The following TTC7A variants were observed in gnomAD, a reference collection of about 807,000 sequenced individuals.
TTC7A encodes tetratricopeptide repeat domain 7A.
A neutral mutation model predicts 103.7 loss-of-function variants in TTC7A; 110 were observed. That is an observed-to-expected ratio of 1.06 (90% CI 0.91 to 1.24). The LOEUF (loss-of-function observed/expected upper bound fraction) is 1.24. TTC7A is among the 50% of genes most tolerant of loss of function. TTC7A has a pLI of 0.00. For missense variants in TTC7A, 1,340 were observed against 1,116.3 expected (o/e 1.20, Z -2.86); for synonymous variants, 521 against 467.9 (o/e 1.11, Z -1.47).
At chr2:46,926,927 A>G (rs1332139020) in intron 2 of TTC7A, among the ~76,000 whole-genome samples, 10 of 152,234 alleles carry the variant, frequency 6.6e-5, no homozygotes, top group Admixed American at 6.5e-4. Flanking sequence ...GTAACAAAAC[A>G]TTAGAAAAAA....
At chr2:46,917,863 A>T (rs6729604) in intron 2 of TTC7A, among the ~76,000 whole-genome samples, 19,104 of 151,746 alleles carry the variant, frequency 0.13, 1,741 homozygotes, top group African/African-American at 0.26. Context: ...GACACCACAC[A>T]CTCTGGGTCC....
At chr2:46,981,566 G>A (rs551308553) in intron 5 of TTC7A, among the ~76,000 whole-genome samples, 1 of 152,344 alleles carries the variant, frequency 6.6e-6, no homozygotes, top group Admixed American at 6.5e-5. Context: ...ATAAGTTTGG[G>A]AAACAATGGA....
chr2:47,049,874 T>A, intron 16 of TTC7A, 75 bp from the exon 17 acceptor site: 2 of 1,102,618 alleles, frequency 1.8e-6, no homozygotes, highest in Admixed American at 3.7e-5. Flanking sequence ...CTTGTGATGC[T>A]GGCCCTCTAC....
intron 11 of TTC7A, among the ~76,000 whole-genome samples, chr2:47,013,659 A>G (rs1407966831): frequency 6.6e-6 from 1 of 152,246 alleles, no homozygotes; most frequent in African/African-American, 2.4e-5. Context: ...CCTCAGCAGC[A>G]TAATTACAGT....
In TTC7A at chr2:47,029,230, A is replaced by T; in HGVS notation, c.1648A>T (p.Ser550Cys). 1 of 1,613,706 alleles carries T rather than the reference A, an allele frequency of 6.2e-7. No homozygotes were observed. The change falls in exon 15 of 20, where the codon AGT (serine) becomes TGT (cysteine). Residue 550 changes from serine to cysteine, a missense_variant. Physicochemically the swap from Ser to Cys is moderately radical, Grantham distance 112. Coordinates refer to ENST00000319190, the MANE Select transcript of TTC7A (RefSeq NM_020458.4). ...TGGCGGGTTCCTTCAACAGATCTCC[A>T]GTGCCATGGAGCAGCTGCAGGAGGC... is the stretch of plus-strand genomic sequence containing the variant. ...LQLALVRQIS[S>C]AMEQLQEALK...
At chr2:47,060,398 AAAAG>A (rs1325415388) in intron 18 of TTC7A, among the ~76,000 whole-genome samples, 1 of 151,998 alleles carries the variant, frequency 6.6e-6, no homozygotes, top group Non-Finnish European at 1.5e-5. Flanking sequence ...TTTTTTAAAA[AAAAG>A]GCTGCAGTGA....
intron 2 of TTC7A, among the ~76,000 whole-genome samples, chr2:46,919,449 C>T (rs2103796075): frequency 6.6e-6 from 1 of 152,336 alleles, no homozygotes; most frequent in East Asian, 1.9e-4. Context: ...AGGAGAATTG[C>T]TTGAACCCGG....
chr2:46,963,101 C>T (rs745788684), intron 3 of TTC7A, among the ~76,000 whole-genome samples: 13 of 152,206 alleles, frequency 8.5e-5, no homozygotes, highest in Non-Finnish European at 1.5e-4. Flanking sequence ...GCAGTGAGAG[C>T]TGCAGCAGGG....
chr2:46,978,232 GTCC>G (rs1218548142), intron 4 of TTC7A: 1 of 153,384 alleles, frequency 6.5e-6, no homozygotes, highest in East Asian at 1.9e-4. Flanking sequence ...AGACAGAGAA[GTCC>G]TCCTGCAGTA....
At chr2:46,993,709 T>C (rs1450924904) in intron 6 of TTC7A, among the ~76,000 whole-genome samples, 181 bp downstream of exon 6, 2 of 152,058 alleles carry the variant, frequency 1.3e-5, no homozygotes, top group African/African-American at 2.4e-5. Context: ...GCGGCCTCTT[T>C]CCCCCCGCGG....
At chr2:46,933,751 G>A (rs1489404559) in intron 2 of TTC7A, among the ~76,000 whole-genome samples, 2 of 152,194 alleles carry the variant, frequency 1.3e-5, no homozygotes, top group Non-Finnish European at 2.9e-5. Context: ...TGATCTGAGT[G>A]GCTGAAATGA....
At chr2:47,073,606 G>GGCT (rs1376702117) in intron 19 of TTC7A, 96 bp from the exon 20 acceptor site, 1 of 1,033,756 alleles carries the variant, frequency 9.7e-7, no homozygotes, top group African/African-American at 1.6e-5. Context: ...TCGAGCTGAT[G>GGCT]GCTGCTGCCA....
rs767785409 is a variant in TTC7A at position 46,974,959 on chromosome 2, T to G, written c.518-14T>G. 1.9e-6 allele frequency: 3 copies of G among 1,612,014 alleles called. No homozygotes were observed. The Admixed American group carries it at 5.0e-5, about 27-fold the overall frequency. ...CGAGCAGGACAGGTCTGAGGCACCC[T>G]CTTCCTCCCGCAGGCCTCTCTCTGG... On this transcript the variant is annotated splice_polypyrimidine_tract_variant and intron_variant, in intron 3 of 19. Coordinates refer to ENST00000319190, the MANE Select transcript of TTC7A (RefSeq NM_020458.4).
chr2:47,075,023 A>T lies in TTC7A; in HGVS notation c.*1100A>T, dbSNP rs891220205. On this transcript the variant is annotated 3_prime_UTR_variant, in exon 20 of 20. Coordinates refer to ENST00000319190, the MANE Select transcript of TTC7A (RefSeq NM_020458.4). Reference sequence around the variant, plus strand: ...TATCTGCACTTTGGGTTTTAGTTTCAAAGCTCCATCAGGTACAGCTTGCAT... The same window carrying T: ...TATCTGCACTTTGGGTTTTAGTTTCTAAGCTCCATCAGGTACAGCTTGCAT... 7.2e-5 allele frequency: 11 copies of T among 152,230 alleles called. No homozygotes were observed. The highest frequency in any genetic ancestry group is 2.7e-4 in the African/African-American group (11 of 41,460). The allele number at this position is 152,230 out of a possible 1,614,324, so 9.4% of individuals were successfully genotyped here.
In TTC7A at chr2:46,941,235, T is replaced by TGCAGCGGCG. The variant is rs1006531705; in HGVS notation, c.-304_-296dup. ...CCGGGGCGGAGGCTGTGGCAGCAGC[T>TGCAGCGGCG]GCAGCGGCGGCGGCGGCGGCAGCGC... On this transcript the variant is annotated 5_prime_UTR_variant, in exon 1 of 20. Transcript: ENST00000319190. The surrounding 1 kb of genome is among the most constrained non-coding windows in gnomAD (Gnocchi z 4.2). 6.7e-6 allele frequency: 1 copy of TGCAGCGGCG among 149,794 alleles called. No individual in the cohort carries two copies. Among genetic ancestry groups the TGCAGCGGCG allele is most frequent in the East Asian group, 2.0e-4 (1 of 5,122 alleles). 9.3% of individuals were successfully genotyped at this position (149,794 alleles called of 1,614,324 possible).
At chr2:47,023,194 C>T (rs553191579) in intron 12 of TTC7A, among the ~76,000 whole-genome samples, 54 of 152,272 alleles carry the variant, frequency 3.5e-4, no homozygotes, top group South Asian at 1.9e-3. Context: ...GTAGTTCAGG[C>T]GGTGGAGAAG....
intron 5 of TTC7A, among the ~76,000 whole-genome samples, chr2:46,991,019 TCTC>T (rs747403182): frequency 1.3e-5 from 2 of 152,090 alleles, no homozygotes; most frequent in Non-Finnish European, 2.9e-5. Context: ...TTCAAGCAAT[TCTC>T]CTGCCTCAGC....
intron 2 of TTC7A, among the ~76,000 whole-genome samples, chr2:46,920,112 C>T (rs955080827): frequency 6.6e-6 from 1 of 152,178 alleles, no homozygotes; most frequent in Non-Finnish European, 1.5e-5. Context: ...TCAAAGCACA[C>T]ATCACTCCTA....
At chr2:46,995,340 T>C in intron 8 of TTC7A, 141 bp downstream of exon 8, 2 of 813,230 alleles carry the variant, frequency 2.5e-6, no homozygotes, top group Non-Finnish European at 4.0e-6. Flanking sequence ...TTCTTGGCCC[T>C]GGGCCCCCAT....
Sources: allele counts gnomAD v4.1 joint callset (sites outside exome capture counted in the v4.1 genomes callset), GRCh38; gene constraint gnomAD v4.1.1; non-coding constraint Gnocchi (gnomAD v3.1); transcripts MANE v1.5; gene names NCBI Gene and HGNC (gene_info 2026-07-23, HGNC 2026-07-21).